The following PDE9A variants were observed in gnomAD, a reference collection of about 807,000 sequenced individuals.
PDE9A encodes the protein phosphodiesterase 9A, also known as high affinity cGMP-specific 3',5'-cyclic phosphodiesterase 9A.
In PDE9A, 60 loss-of-function variants were observed where a neutral mutation model predicts 87.4. That is an observed-to-expected ratio of 0.69 (90% CI 0.56 to 0.85). The LOEUF is 0.85. Ranked by LOEUF, PDE9A falls within the 40% of genes least tolerant of loss-of-function variation. The pLI, the probability that PDE9A is intolerant of heterozygous loss-of-function variation, is 0.00. For missense variants in PDE9A, 665 were observed against 779.0 expected (o/e 0.85, Z 1.74); for synonymous variants, 272 against 279.4 (o/e 0.97, Z 0.27).
chr21:42,682,807 G>A (rs983173215), intron 1 of PDE9A, among the ~76,000 whole-genome samples: 4 of 152,178 alleles, frequency 2.6e-5, no homozygotes, highest in African/African-American at 9.7e-5. Flanking sequence ...GCAAATGAGC[G>A]TCGTTCTCAC....
In PDE9A at chr21:42,704,519, G is replaced by T. The variant is rs1161602404; in HGVS notation, c.262+5508G>T. On this transcript the variant is annotated intron_variant, in intron 4 of 19. Coordinates refer to ENST00000291539, the MANE Select transcript of PDE9A (RefSeq NM_002606.3). This position sits in a 1 kb window ranked among gnomAD's most constrained non-coding sequence, Gnocchi z 5.3. Reference sequence around the variant, plus strand: ...AGAACATTTTTTCCATTTGGGGTTTGTCCTTAGGAATTCTTCACTCTCTCT... The same window carrying T: ...AGAACATTTTTTCCATTTGGGGTTTTTCCTTAGGAATTCTTCACTCTCTCT... Among the ~76,000 whole-genome samples the T allele has an allele frequency of 6.6e-6, 1 of 151,232 alleles. No individual in the cohort carries two copies. The highest frequency in any genetic ancestry group is 1.5e-5 in the Non-Finnish European group (1 of 67,958).
rs2055444200 is a variant in PDE9A at position 42,759,480 on chromosome 21, G to A, written c.897+395G>A. 6.7e-6 allele frequency among the ~76,000 whole-genome samples: 1 copy of A among 149,904 alleles called. No individual in the cohort carries two copies. The highest frequency in any genetic ancestry group is 1.5e-5 in the Non-Finnish European group (1 of 67,350). On this transcript the variant is annotated intron_variant, in intron 11 of 19. Coordinates refer to ENST00000291539, the MANE Select transcript of PDE9A (RefSeq NM_002606.3). The surrounding 1 kb of genome is among the most constrained non-coding windows in gnomAD (Gnocchi z 7.2). ...GTGGGGTGTGGATGTGAGCATGGGG[G>A]TGTCTGCATGTGTTTGTGAGTGGGT...
chr21:42,690,353 C>T (rs2252337), intron 3 of PDE9A, among the ~76,000 whole-genome samples: 67,362 of 151,174 alleles, frequency 0.45, 15,150 homozygotes, highest in Middle Eastern at 0.59. Flanking sequence ...ACAGGTGATG[C>T]GGAAACGGAT....
rs1327277462 is a variant in PDE9A at position 42,712,650 on chromosome 21, T to G, written c.262+13639T>G. ...TTACATACGATGTTAGCCACAGATTTTTTTGTGGATGCCTTTCATAAGGTT... is the reference window on the plus strand; with the variant it reads ...TTACATACGATGTTAGCCACAGATTGTTTTGTGGATGCCTTTCATAAGGTT... On this transcript the variant is annotated intron_variant, in intron 4 of 19. Transcript: ENST00000291539. Among the ~76,000 whole-genome samples the G allele has an allele frequency of 2.0e-5, 3 of 152,220 alleles. No homozygotes were observed. The East Asian group carries it at 5.8e-4, about 29-fold the overall frequency.
intron 1 of PDE9A, among the ~76,000 whole-genome samples, chr21:42,665,083 T>C (rs1276861968): frequency 6.6e-6 from 1 of 152,178 alleles, no homozygotes; most frequent in South Asian, 2.1e-4. Context: ...CATTTGTCCA[T>C]GGAAATGAGA....
At chr21:42,670,660 TAC>T (rs909578136) in intron 1 of PDE9A, among the ~76,000 whole-genome samples, 10 of 145,590 alleles carry the variant, frequency 6.9e-5, no homozygotes, top group Admixed American at 1.3e-4. Flanking sequence ...TTCACACACA[TAC>T]ACACATACAC....
chr21:42,768,823 C>T (rs965545445), intron 16 of PDE9A: 9 of 985,438 alleles, frequency 9.1e-6, no homozygotes, highest in East Asian at 1.1e-4. Context: ...TCTCTCAGGT[C>T]GGTCTTCCCA....
chr21:42,653,916 C>A (rs780671579), intron 1 of PDE9A, 33 bp downstream of exon 1: 2 of 1,301,018 alleles, frequency 1.5e-6, no homozygotes, highest in Admixed American at 2.1e-5. Context: ...ACCCCCTCCT[C>A]CCCCCGGGTG....
chr21:42,768,561 G>T, intron 16 of PDE9A: 2 of 1,280,398 alleles, frequency 1.6e-6, no homozygotes, highest in Non-Finnish European at 2.0e-6. Flanking sequence ...AAGCAGCCTT[G>T]TCAAACAAAT....
intron 3 of PDE9A, among the ~76,000 whole-genome samples, chr21:42,690,766 C>T (rs1249943166): frequency 6.6e-6 from 1 of 152,100 alleles, no homozygotes; most frequent in African/African-American, 2.4e-5. Flanking sequence ...CCAATCTGGG[C>T]CCTGCCAACT....
chr21:42,725,357 A>G (rs1358349512), intron 4 of PDE9A, among the ~76,000 whole-genome samples: 4 of 152,016 alleles, frequency 2.6e-5, no homozygotes. Flanking sequence ...CTCCTGCCTC[A>G]GTCTCCTGAG....
intron 1 of PDE9A, among the ~76,000 whole-genome samples, chr21:42,665,798 T>C (rs2057926166): frequency 6.6e-6 from 1 of 152,234 alleles, no homozygotes; most frequent in Non-Finnish European, 1.5e-5. Flanking sequence ...AGTTGTTGAA[T>C]AATGAACAAT....
At chr21:42,678,015 A>G (rs1044942433) in intron 1 of PDE9A, among the ~76,000 whole-genome samples, 1 of 152,230 alleles carries the variant, frequency 6.6e-6, no homozygotes, top group Non-Finnish European at 1.5e-5. Flanking sequence ...GAAACCCACA[A>G]TTTCCAGTGG....
rs1464102086 is a variant in PDE9A at position 42,675,998 on chromosome 21, C to G, written c.70-10194C>G. 6.6e-6 allele frequency among the ~76,000 whole-genome samples: 1 copy of G among 152,142 alleles called. No homozygotes were observed. Among genetic ancestry groups the G allele is most frequent in the Non-Finnish European group, 1.5e-5 (1 of 68,028 alleles). ...CTATCCTTGAGATAGTGAATTCTTG[C>G]AAGATCTGGTTGTTTATGTGTGAAG... is the stretch of plus-strand genomic sequence containing the variant. On this transcript the variant is annotated intron_variant, in intron 1 of 19. Transcript: ENST00000291539. This position sits in a 1 kb window ranked among gnomAD's most constrained non-coding sequence, Gnocchi z 4.3.
Position 42,770,614 on chromosome 21 carries a change from G to A in PDE9A, c.1591-89G>A, listed in dbSNP as rs548192526. The A allele has an allele frequency of 1.0e-3, 993 of 978,300 alleles. 6 individuals are homozygous for A. The East Asian group carries it at 0.011, about 11-fold the overall frequency. The allele number at this position is 978,300 out of a possible 1,614,324, so 60.6% of individuals were successfully genotyped here. On this transcript the variant is annotated intron_variant, in intron 17 of 19. Transcript: ENST00000291539. ...AGCTGGGACTGGCCCAGAGGTTTCCGCACGGAGCACCTGACACCTGTTTTT... is the reference window on the plus strand; with the variant it reads ...AGCTGGGACTGGCCCAGAGGTTTCCACACGGAGCACCTGACACCTGTTTTT...
At chr21:42,678,769 C>T (rs867686265) in intron 1 of PDE9A, among the ~76,000 whole-genome samples, 1 of 152,202 alleles carries the variant, frequency 6.6e-6, no homozygotes, top group South Asian at 2.1e-4. Context: ...GGCCACCTCC[C>T]GGGGGAAATA....
At chr21:42,665,811 A>G (rs1186964888) in intron 1 of PDE9A, among the ~76,000 whole-genome samples, 1 of 152,218 alleles carries the variant, frequency 6.6e-6, no homozygotes, top group African/African-American at 2.4e-5. Flanking sequence ...TGAACAATGG[A>G]TGCATGCAGC....
chr21:42,679,698 A>G (rs1291693697), intron 1 of PDE9A, among the ~76,000 whole-genome samples: 1 of 151,986 alleles, frequency 6.6e-6, no homozygotes, highest in Non-Finnish European at 1.5e-5. Context: ...ACAGGAGAAC[A>G]CTGTATTTGA....
chr21:42,751,292 G>C (rs960142939), intron 9 of PDE9A, 95 bp downstream of exon 9: 1 of 891,422 alleles, frequency 1.1e-6, no homozygotes, highest in South Asian at 1.3e-5. Context: ...CTGTGTGTAC[G>C]TTCACATCAA....
Sources: allele counts gnomAD v4.1 joint callset (sites outside exome capture counted in the v4.1 genomes callset), GRCh38; gene constraint gnomAD v4.1.1; non-coding constraint Gnocchi (gnomAD v3.1); transcripts MANE v1.5; gene names NCBI Gene and HGNC (gene_info 2026-07-23, HGNC 2026-07-21).